The following RIMBP2 variants were observed in gnomAD, a reference collection of about 807,000 sequenced individuals.
RIMBP2 encodes RIMS binding protein 2.
In RIMBP2, 48 loss-of-function variants were observed where a neutral mutation model predicts 118.6. The ratio of observed to expected loss-of-function variants is 0.40; its 90% CI spans 0.32 to 0.51. The LOEUF (loss-of-function observed/expected upper bound fraction) is 0.51. RIMBP2 is among the 20% of genes least tolerant of loss of function. The pLI, the probability that RIMBP2 is intolerant of heterozygous loss-of-function variation, is 0.41. For synonymous variants in RIMBP2, 762 were observed against 742.9 expected (o/e 1.03, Z -0.42); for missense variants, 1,551 against 1,768.3 (o/e 0.88, Z 2.20).
rs1371040060 is a variant in RIMBP2 at position 130,450,916 on chromosome 12, C to G, written c.504+279G>C. Reference sequence around the variant, plus strand: ...TGCGTCAACAGCCTTGCTGCGTCATCCTTGCACCCCTCGATGGGATTTGCT... The same window carrying G: ...TGCGTCAACAGCCTTGCTGCGTCATGCTTGCACCCCTCGATGGGATTTGCT... On this transcript the variant is annotated intron_variant, in intron 8 of 22. Coordinates refer to ENST00000690449, the MANE Select transcript of RIMBP2 (RefSeq NM_001393629.1). This position sits in a 1 kb window ranked among gnomAD's most constrained non-coding sequence, Gnocchi z 4.8. Among the ~76,000 whole-genome samples the G allele has an allele frequency of 6.6e-6, 1 of 152,202 alleles. No homozygotes were observed. Among genetic ancestry groups the G allele is most frequent in the Non-Finnish European group, 1.5e-5 (1 of 68,036 alleles).
chr12:130,707,394 C>T (rs149779995), intron 1 of RIMBP2, among the ~76,000 whole-genome samples: 3 of 152,146 alleles, frequency 2.0e-5, no homozygotes, highest in Non-Finnish European at 4.4e-5. Context: ...AGAAACAGAA[C>T]AGGTGATAGG....
chr12:130,482,538 C>T (rs769620209), intron 4 of RIMBP2, among the ~76,000 whole-genome samples: 3 of 152,190 alleles, frequency 2.0e-5, no homozygotes, highest in Admixed American at 6.5e-5. Context: ...CAATCTGATA[C>T]GAGGAGGAGA....
In RIMBP2 at chr12:130,621,110, C is replaced by T. The variant is rs927718632; in HGVS notation, c.-217+7212G>A. 6.6e-6 allele frequency among the ~76,000 whole-genome samples: 1 copy of T among 152,078 alleles called. No individual in the cohort carries two copies. The highest frequency in any genetic ancestry group is 1.5e-5 in the Non-Finnish European group (1 of 68,006). ...GGTGGGTTCATTTTTTTACCAGCAC[C>T]CTGGGAGCTGGTCATTCCTACGTGG... On this transcript the variant is annotated intron_variant, in intron 2 of 22. Coordinates refer to ENST00000690449, the MANE Select transcript of RIMBP2 (RefSeq NM_001393629.1). This position sits in a 1 kb window ranked among gnomAD's most constrained non-coding sequence, Gnocchi z 6.6.
intron 22 of RIMBP2, chr12:130,399,009 C>CTT (rs79117967): frequency 2.9e-4 from 120 of 419,662 alleles, no homozygotes; most frequent in East Asian, 6.0e-4. Flanking sequence ...TTCTTTGTAT[C>CTT]TTTTTTTTTT....
intron 1 of RIMBP2, among the ~76,000 whole-genome samples, chr12:130,650,351 G>C (rs917956095): frequency 6.6e-6 from 1 of 152,226 alleles, no homozygotes; most frequent in African/African-American, 2.4e-5. Flanking sequence ...CCAGCCTGGG[G>C]CTCTAAATAG....
chr12:130,473,796 G>A (rs997766893), intron 5 of RIMBP2, among the ~76,000 whole-genome samples: 5 of 152,154 alleles, frequency 3.3e-5, no homozygotes, highest in Admixed American at 2.0e-4. Flanking sequence ...ATGACCCACC[G>A]CAGCCATCCA....
chr12:130,424,652 G>A lies in RIMBP2; in HGVS notation c.2619C>T (p.Tyr873=). The change falls in exon 16 of 23, where the codon TAC becomes TAT. Residue 873 remains tyrosine (Y), a synonymous_variant. Transcript: ENST00000690449. This position sits in a 1 kb window ranked among gnomAD's most constrained non-coding sequence, Gnocchi z 9.8. Reference sequence around the variant, plus strand: ...AGCCCCGAGGGGCCTCGTCGCCCCTGTAGGGCCTGCCGGGCCTGGGCTCTC... The same window carrying A: ...AGCCCCGAGGGGCCTCGTCGCCCCTATAGGGCCTGCCGGGCCTGGGCTCTC... ...LAREPRPGRP[Y]RGDEAPRGSW... The A allele has an allele frequency of 2.4e-6, 3 of 1,232,002 alleles. No homozygotes were observed. Among genetic ancestry groups the A allele is most frequent in the African/African-American group, 1.6e-5 (1 of 64,498 alleles). The allele number at this position is 1,232,002 out of a possible 1,614,324, so 76.3% of individuals were successfully genotyped here.
rs912905239 is a variant in RIMBP2, at chr12:130,396,511, G to A, written c.*850C>T. The stretch of plus-strand genomic sequence containing the variant: ...CTCATTTGGAGCAGATTTAAATTGA[G>A]TCTGGTTTTGGTGTGGCTTATGCAT... On this transcript the variant is annotated 3_prime_UTR_variant, in exon 23 of 23. Transcript: ENST00000690449. The A allele has an allele frequency of 1.1e-4, 17 of 152,650 alleles. No homozygotes were observed. Among genetic ancestry groups the A allele is most frequent in the African/African-American group, 3.6e-4 (15 of 41,472 alleles). The allele number at this position is 152,650 out of a possible 1,614,324, so 9.5% of individuals were successfully genotyped here.
intron 6 of RIMBP2, among the ~76,000 whole-genome samples, chr12:130,462,780 AGGCAT>A (rs1342325880): frequency 6.6e-6 from 1 of 152,242 alleles, no homozygotes; most frequent in African/African-American, 2.4e-5. Flanking sequence ...CTCACAGACC[AGGCAT>A]GGAATGTACC....
intron 4 of RIMBP2, among the ~76,000 whole-genome samples, chr12:130,484,390 C>G (rs2082307554): frequency 6.6e-6 from 1 of 152,238 alleles, no homozygotes; most frequent in Non-Finnish European, 1.5e-5. Context: ...CACGTTCCAG[C>G]CTTTGCCCAG....
Position 130,442,416 on chromosome 12 carries a change from G to A in RIMBP2, c.936C>T (p.Asp312=). ...LDVNIDDIGE[D]IVPYPRKITL... ...TGATTTTTCTAGGGTAAGGCACGAT[G>A]TCTTCTCCGATGTCGTCGATGTTCA... is the stretch of plus-strand genomic sequence containing the variant. Residue 312 remains aspartate (D), a synonymous_variant, in exon 11 of 23, where the codon GAC becomes GAT. Coordinates refer to ENST00000690449, the MANE Select transcript of RIMBP2 (RefSeq NM_001393629.1). The surrounding 1 kb of genome is among the most constrained non-coding windows in gnomAD (Gnocchi z 6.9). 2 of 1,614,158 alleles carry A rather than the reference G, an allele frequency of 1.2e-6. No homozygotes were observed. The highest frequency in any genetic ancestry group is 1.1e-5 in the South Asian group (1 of 91,068).
At chr12:130,497,974 GTC>G (rs1378194780) in intron 4 of RIMBP2, among the ~76,000 whole-genome samples, 2 of 152,224 alleles carry the variant, frequency 1.3e-5, no homozygotes, top group Non-Finnish European at 2.9e-5. Context: ...CCCTTGGAGA[GTC>G]TCTGTCTATT....
Position 130,414,114 on chromosome 12 carries a change from C to A in RIMBP2, c.3420+11G>T. ...GGCTGATGAAGCCGCCCGCAGGCAG[C>A]CATCCCGCACCTTGATGATCTGGCC... On this transcript the variant is annotated intron_variant, in intron 18 of 22. Transcript: ENST00000690449. 1 of 1,613,842 alleles carries A rather than the reference C, an allele frequency of 6.2e-7. No homozygotes were observed. Among genetic ancestry groups the A allele is most frequent in the South Asian group, 1.1e-5 (1 of 91,066 alleles).
Position 130,422,036 on chromosome 12 carries a change from C to T in RIMBP2, c.3238+417G>A, listed in dbSNP as rs568697477. 5.9e-5 allele frequency among the ~76,000 whole-genome samples: 9 copies of T among 152,322 alleles called. No individual in the cohort carries two copies. In the East Asian group the frequency reaches 1.2e-3, roughly 20 times the overall value. On this transcript the variant is annotated intron_variant, in intron 17 of 22. Transcript: ENST00000690449. This position sits in a 1 kb window ranked among gnomAD's most constrained non-coding sequence, Gnocchi z 5.2. ...CCCCAGGATTTAGCTCTGCTGCCAG[C>T]GTGTCTTCTGCAGACAGGCAGCATT...
intron 2 of RIMBP2, among the ~76,000 whole-genome samples, chr12:130,583,754 AC>A (rs1369067019): frequency 1.9e-5 from 2 of 104,480 alleles, no homozygotes; most frequent in African/African-American, 6.8e-5. Flanking sequence ...CATCACCACC[AC>A]CCCCATCACC....
At chr12:130,664,436 C>CAA (rs2063817356) in intron 1 of RIMBP2, among the ~76,000 whole-genome samples, 1 of 123,772 alleles carries the variant, frequency 8.1e-6, no homozygotes, top group Non-Finnish European at 1.8e-5. Flanking sequence ...CACATGCATG[C>CAA]ACGCACACAC....
At chr12:130,632,579 G>T (rs2062067168) in intron 1 of RIMBP2, among the ~76,000 whole-genome samples, 1 of 152,064 alleles carries the variant, frequency 6.6e-6, no homozygotes, top group African/African-American at 2.4e-5. Flanking sequence ...TTGCTCTGGG[G>T]CCCCTCCTGT....
chr12:130,565,420 A>G (rs1048967795), intron 2 of RIMBP2, among the ~76,000 whole-genome samples: 2 of 152,140 alleles, frequency 1.3e-5, no homozygotes, highest in African/African-American at 2.4e-5. Context: ...TCTCTCCCCA[A>G]TGGATCATGA....
At chr12:130,462,004 C>A (rs919680653) in intron 6 of RIMBP2, among the ~76,000 whole-genome samples, 1 of 152,208 alleles carries the variant, frequency 6.6e-6, no homozygotes, top group Admixed American at 6.5e-5. Context: ...TTTCAAGGCC[C>A]ATCAGCAGCC....
Sources: allele counts gnomAD v4.1 joint callset (sites outside exome capture counted in the v4.1 genomes callset), GRCh38; gene constraint gnomAD v4.1.1; non-coding constraint Gnocchi (gnomAD v3.1); transcripts MANE v1.5; gene names NCBI Gene and HGNC (gene_info 2026-07-23, HGNC 2026-07-21).